The following BUB1B variants were observed in gnomAD, a reference collection of about 807,000 sequenced individuals.
BUB1B encodes mitotic checkpoint serine/threonine-protein kinase BUB1 beta.
Under a neutral mutation model 137.7 loss-of-function variants are expected in BUB1B, and 86 were observed. The observed-to-expected ratio is 0.62, with a 90% CI of 0.52 to 0.75. The LOEUF (loss-of-function observed/expected upper bound fraction) is 0.75, where lower values mean the gene tolerates loss of function less well. BUB1B is among the 30% of genes least tolerant of loss of function. The probability of loss-of-function intolerance (pLI) is 0.00; values close to 1 mark genes in which losing one functional copy is unlikely to be tolerated. For synonymous variants in BUB1B, 420 were observed against 417.9 expected, an observed-to-expected ratio of 1.00 and a Z score of -0.06; for missense variants, 1,130 against 1,236.9, an observed-to-expected ratio of 0.91 and a Z score of 1.30.
intron 5 of BUB1B, among the ~76,000 whole-genome samples, chr15:40,181,013 A>G (rs1322229577): frequency 6.7e-6 from 1 of 148,796 alleles, no homozygotes; most frequent in Non-Finnish European, 1.5e-5. Flanking sequence ...TAATGTGTTG[A>G]TTTTCCTCTG....
intron 9 of BUB1B, 105 bp from the exon 10 acceptor site, chr15:40,199,510 T>C: frequency 2.5e-6 from 2 of 810,478 alleles, no homozygotes; most frequent in Non-Finnish European, 4.2e-6. Flanking sequence ...ATCATTTTCA[T>C]CTGTATTAGT....
At chr15:40,213,235 C>G in intron 19 of BUB1B, 97 bp from the exon 20 acceptor site, 1 of 1,381,436 alleles carries the variant, frequency 7.2e-7, no homozygotes, top group African/African-American at 1.4e-5. Context: ...CAGTAGAGAA[C>G]AAGGAAGACT....
chr15:40,213,013 G>A (rs953847326), intron 19 of BUB1B, among the ~76,000 whole-genome samples: 1 of 152,044 alleles, frequency 6.6e-6, no homozygotes, highest in Non-Finnish European at 1.5e-5. Flanking sequence ...TTCTTAAGAA[G>A]GTTTGCTATG....
intron 9 of BUB1B, among the ~76,000 whole-genome samples, chr15:40,197,974 A>G (rs1431205276): frequency 6.6e-6 from 1 of 152,196 alleles, no homozygotes; most frequent in Non-Finnish European, 1.5e-5. Context: ...TCCTAAGGGA[A>G]AAGCTTAGTC....
At chr15:40,163,923 C>G (rs532942916) in intron 1 of BUB1B, among the ~76,000 whole-genome samples, 3 of 152,330 alleles carry the variant, frequency 2.0e-5, no homozygotes, top group Admixed American at 2.0e-4. Context: ...AACTTTCACT[C>G]TATTTCAAAG....
chr15:40,185,307 C>T lies in BUB1B; in HGVS notation c.894C>T (p.Pro298=), dbSNP rs1205471932. ...CTACAGTCCAGCCATGGATAGCACC[C>T]CCCATGCCCAGGGCCAAAGAGAATG... The part of the protein sequence containing the change: ...SKPTVQPWIA[P]PMPRAKENEL... Residue 298 remains proline, a synonymous_variant, in exon 7 of 23, where the codon CCC becomes CCT. Coordinates refer to ENST00000287598, the MANE Select transcript of BUB1B (RefSeq NM_001211.6). The T allele has an allele frequency of 6.2e-7, 1 of 1,614,148 alleles. No individual in the cohort carries two copies. The highest frequency in any genetic ancestry group is 8.5e-7 in the Non-Finnish European group (1 of 1,180,024).
intron 9 of BUB1B, among the ~76,000 whole-genome samples, chr15:40,197,421 G>A (rs2037511867): frequency 6.6e-6 from 1 of 152,182 alleles, no homozygotes; most frequent in Admixed American, 6.5e-5. Context: ...GGGCTGGAAA[G>A]TAGGGAAGTA....
rs768301458 is a variant in BUB1B at position 40,210,254 on chromosome 15, C to T, written c.2385+44C>T. Reference sequence around the variant, plus strand: ...AATTTCAGTTACTTTGTAAATAATACGGATTGGAGCAATAACTGTCCTCAT... The same window carrying T: ...AATTTCAGTTACTTTGTAAATAATATGGATTGGAGCAATAACTGTCCTCAT... On this transcript the variant is annotated intron_variant, in intron 18 of 22. Coordinates refer to ENST00000287598, the MANE Select transcript of BUB1B (RefSeq NM_001211.6). 4.4e-5 allele frequency: 61 copies of T among 1,388,994 alleles called. No individual in the cohort carries two copies. In the East Asian group the frequency reaches 5.0e-4, roughly 11 times the overall value. 86.0% of individuals were successfully genotyped at this position (1,388,994 alleles called of 1,614,324 possible).
At chr15:40,217,404 G>A (rs2037809320) in intron 20 of BUB1B, 92 bp from the exon 21 acceptor site, 2 of 1,368,184 alleles carry the variant, frequency 1.5e-6, no homozygotes. Context: ...TAGCTAAGAT[G>A]TACCCAAGGT....
intron 2 of BUB1B, among the ~76,000 whole-genome samples, chr15:40,166,946 T>C (rs2037106050): frequency 6.6e-6 from 1 of 152,166 alleles, no homozygotes; most frequent in South Asian, 2.1e-4. Flanking sequence ...GGTGTATCTG[T>C]TTAGATATTT....
intron 20 of BUB1B, among the ~76,000 whole-genome samples, chr15:40,215,439 T>G (rs906730983): frequency 2.0e-5 from 3 of 151,572 alleles, no homozygotes; most frequent in African/African-American, 7.3e-5. Context: ...ACCATTGTAC[T>G]CCAGTCTGGG....
chr15:40,161,115 G>T lies in BUB1B; in HGVS notation c.-106G>T, dbSNP rs2037037606. On this transcript the variant is annotated 5_prime_UTR_variant, in exon 1 of 23. Coordinates refer to ENST00000287598, the MANE Select transcript of BUB1B (RefSeq NM_001211.6). ...TGTTAGGGAGTCGTGTACGTGCCTT[G>T]GTCGCTTCTGTAGCTCCGAGGGCAG... 3 of 1,445,640 alleles carry T rather than the reference G, an allele frequency of 2.1e-6. No homozygotes were observed. Among genetic ancestry groups the T allele is most frequent in the East Asian group, 2.5e-5 (1 of 40,114 alleles). 89.6% of individuals were successfully genotyped at this position (1,445,640 alleles called of 1,614,324 possible). A position where few individuals can be genotyped will look rare whatever the true frequency, so the allele number is the denominator to read the frequency against.
chr15:40,176,647 A>G lies in BUB1B; in HGVS notation c.555A>G (p.Pro185=), dbSNP rs139794931. The change falls in exon 5 of 23, where the codon CCA becomes CCG. Residue 185 remains proline (P), a synonymous_variant. Transcript: ENST00000287598. ...FQEGIQQKAE[P]LERLQSQHRQ... ...AAGGGATTCAACAGAAGGCTGAACC[A>G]CTAGAAAGACTACAGTCCCAGCACC... 2.0e-5 allele frequency: 33 copies of G among 1,614,168 alleles called. 1 individual carries two copies. The East Asian group carries it at 6.7e-4, about 33-fold the overall frequency.
chr15:40,161,286 G>A (rs770965887), intron 1 of BUB1B, 31 bp downstream of exon 1: 2 of 1,606,336 alleles, frequency 1.2e-6, no homozygotes, highest in Non-Finnish European at 1.7e-6. Flanking sequence ...CTGGGGGCTG[G>A]GCCTGAGAGG....
intron 21 of BUB1B, among the ~76,000 whole-genome samples, chr15:40,217,948 C>A (rs1025492250): frequency 6.6e-6 from 1 of 152,180 alleles, no homozygotes; most frequent in Non-Finnish European, 1.5e-5. Context: ...TTTCTGTGAT[C>A]TTCTCTGTAA....
intron 4 of BUB1B, among the ~76,000 whole-genome samples, chr15:40,174,668 T>C (rs1303643342): frequency 6.6e-6 from 1 of 152,146 alleles, no homozygotes; most frequent in Non-Finnish European, 1.5e-5. Context: ...AACTAGAACA[T>C]TGAAATGCTA....
chr15:40,179,584 TTGTTA>T (rs1366440702), intron 5 of BUB1B, among the ~76,000 whole-genome samples: 2 of 152,158 alleles, frequency 1.3e-5, no homozygotes, highest in Admixed American at 1.3e-4. Flanking sequence ...AATATCTTTT[TTGTTA>T]TGTTGAGACC....
At chr15:40,182,848 A>G (rs1454201141) in intron 5 of BUB1B, among the ~76,000 whole-genome samples, 1 of 152,208 alleles carries the variant, frequency 6.6e-6, no homozygotes, top group African/African-American at 2.4e-5. Flanking sequence ...AAGAGAAAAT[A>G]GAAGAATAAA....
At chr15:40,203,932 T>C (rs1595530281) in intron 14 of BUB1B, among the ~76,000 whole-genome samples, 1 of 152,236 alleles carries the variant, frequency 6.6e-6, no homozygotes, top group East Asian at 1.9e-4. Flanking sequence ...GCAGTAGCTT[T>C]AGTAACTTAA....
Sources: gnomAD v4.1 joint callset for allele counts (sites outside exome capture counted in the v4.1 genomes callset) on GRCh38, gnomAD v4.1.1 for gene constraint, MANE v1.5 for transcripts, NCBI Gene and HGNC (gene_info 2026-07-23, HGNC 2026-07-21) for gene names.